The following AK1 variants were observed in gnomAD, a reference collection of about 807,000 sequenced individuals.
AK1 encodes the protein adenylate kinase 1, also known as adenylate kinase isoenzyme 1.
In AK1, 13 loss-of-function variants were observed where a neutral mutation model predicts 23.9. That is an observed-to-expected ratio of 0.54 (90% CI 0.35 to 0.86). The LOEUF (loss-of-function observed/expected upper bound fraction) is 0.86, where lower values mean the gene tolerates loss of function less well. Ranked by LOEUF, AK1 falls within the 40% of genes least tolerant of loss-of-function variation. The pLI, the probability that AK1 is intolerant of heterozygous loss-of-function variation, is 0.01. For missense variants in AK1, 214 were observed against 255.1 expected, an observed-to-expected ratio of 0.84 and a Z score of 1.10; for synonymous variants, 97 against 102.8, an observed-to-expected ratio of 0.94 and a Z score of 0.34.
At chr9:127,878,439 G>GAAC (rs1564475879), upstream of AK1, 1 of 152,286 alleles carries the variant, frequency 6.6e-6, no homozygotes, top group Non-Finnish European at 1.5e-5. Flanking sequence ...ACACAGCAGA[G>GAAC]AACGGGAGGC....
intron 1 of AK1, 168 bp from the exon 2 acceptor site, chr9:127,874,817 C>T (rs893506401): frequency 1.4e-5 from 9 of 657,254 alleles, no homozygotes; most frequent in Admixed American, 5.2e-5. Context: ...CCTGAGAAAG[C>T]CACCTTGGGA....
Position 127,867,118 on chromosome 9 carries a change from C to T in AK1, c.*890G>A, listed in dbSNP as rs1000015594. On this transcript the variant is annotated 3_prime_UTR_variant, in exon 7 of 7. Coordinates refer to ENST00000644144, the MANE Select transcript of AK1 (RefSeq NM_000476.3). ...CTCCACCTCCCGGGTTCACGCCATT[C>T]TCCTGCCTCAGCCTCATGAGTAGCT... 6.6e-6 allele frequency: 1 copy of T among 150,438 alleles called. No homozygotes were observed. The highest frequency in any genetic ancestry group is 1.5e-5 in the Non-Finnish European group (1 of 67,880). 9.3% of individuals were successfully genotyped at this position (150,438 alleles called of 1,614,324 possible).
chr9:127,868,098 G>A lies in AK1; in HGVS notation c.517-22C>T. The A allele has an allele frequency of 6.2e-7, 1 of 1,613,578 alleles. No homozygotes were observed. Among genetic ancestry groups the A allele is most frequent in the African/African-American group, 1.3e-5 (1 of 75,024 alleles). ...TGACCTGTGGGGAGATGGGCCGTGA[G>A]GGCTGAGTCACCAGGTGGAGTGGGG... On this transcript the variant is annotated intron_variant, in intron 6 of 6. Coordinates refer to ENST00000644144, the MANE Select transcript of AK1 (RefSeq NM_000476.3). The surrounding 1 kb of genome is among the most constrained non-coding windows in gnomAD (Gnocchi z 4.1).
intron 3 of AK1, 74 bp downstream of exon 3, chr9:127,872,952 T>C: frequency 6.2e-7 from 1 of 1,612,844 alleles, no homozygotes; most frequent in Non-Finnish European, 8.5e-7. Context: ...GAGCCCAGGG[T>C]GCAGCCCCAG....
At position 127,868,573 on chromosome 9, in the gene AK1, C is replaced by G. The variant is rs535102112; in HGVS notation, c.325-61G>C. On this transcript the variant is annotated intron_variant, in intron 5 of 6. Coordinates refer to ENST00000644144, the MANE Select transcript of AK1 (RefSeq NM_000476.3). The surrounding 1 kb of genome is among the most constrained non-coding windows in gnomAD (Gnocchi z 4.1). ...CTGCCCCCTAGGGCCATCTCCTCCC[C>G]ATCTTCCCATCTATGAAGCCCCAGT... is the stretch of plus-strand genomic sequence containing the variant. 14 of 1,530,378 alleles carry G rather than the reference C, an allele frequency of 9.1e-6. No individual in the cohort carries two copies. The Admixed American group carries it at 2.7e-4, about 30-fold the overall frequency. The allele number at this position is 1,530,378 out of a possible 1,614,324, so 94.8% of individuals were successfully genotyped here.
Position 127,872,802 on chromosome 9 carries a change from T to A in AK1, c.95A>T (p.Tyr32Phe). The stretch of plus-strand genomic sequence containing the variant: ...CCCGGTGGAGAGGTGGGTGTAGCCA[T>A]ACTTCTGCACGATCTTCTCACACTG... ...GTQCEKIVQK[Y>F]GYTHLSTGDL... The change falls in exon 4 of 7, where the codon TAT becomes TTT. Residue 32 changes from tyrosine to phenylalanine, a missense_variant. Transcript: ENST00000644144. 6.2e-7 allele frequency: 1 copy of A among 1,614,026 alleles called. No homozygotes were observed. Among genetic ancestry groups the A allele is most frequent in the South Asian group, 1.1e-5 (1 of 91,080 alleles).
rs974855147 is a variant in AK1 at position 127,871,595 on chromosome 9, G to A, written c.324+228C>T. On this transcript the variant is annotated intron_variant, in intron 5 of 6. Coordinates refer to ENST00000644144, the MANE Select transcript of AK1 (RefSeq NM_000476.3). The surrounding 1 kb of genome is among the most constrained non-coding windows in gnomAD (Gnocchi z 4.4). The stretch of plus-strand genomic sequence containing the variant: ...CCCAAGATCTCAAGCCGTTGAGCTG[G>A]AATCTGAGCCCAGGTTTGGCAACTG... 6.6e-6 allele frequency among the ~76,000 whole-genome samples: 1 copy of A among 151,584 alleles called. No homozygotes were observed. The highest frequency in any genetic ancestry group is 1.5e-5 in the Non-Finnish European group (1 of 68,034).
intron 4 of AK1, among the ~76,000 whole-genome samples, chr9:127,872,172 A>G (rs1829428051): frequency 6.6e-6 from 1 of 152,330 alleles, no homozygotes; most frequent in Admixed American, 6.5e-5. Flanking sequence ...CCTTCCAGCC[A>G]GGTGCTGTCC....
In AK1 at chr9:127,871,110, TTGTG is replaced by T. The variant is rs968947136; in HGVS notation, c.324+709_324+712del. ...TGCATGTGTGCACATGCCCCTGGCC[TTGTG>T]TGTATGAACTTGTGGGGCTTGTGCA... On this transcript the variant is annotated intron_variant, in intron 5 of 6. Coordinates refer to ENST00000644144, the MANE Select transcript of AK1 (RefSeq NM_000476.3). The surrounding 1 kb of genome is among the most constrained non-coding windows in gnomAD (Gnocchi z 4.4). Among the ~76,000 whole-genome samples, 2 of 151,812 alleles carry T rather than the reference TTGTG, an allele frequency of 1.3e-5. No homozygotes were observed. The highest frequency in any genetic ancestry group is 2.9e-5 in the Non-Finnish European group (2 of 68,046).
Position 127,873,943 on chromosome 9 carries a change from C to T in AK1, c.7+668G>A, listed in dbSNP as rs1257856274. 7.1e-6 allele frequency: 7 copies of T among 985,306 alleles called. No individual in the cohort carries two copies. The African/African-American group carries it at 8.7e-5, about 12-fold the overall frequency. 61.0% of individuals were successfully genotyped at this position (985,306 alleles called of 1,614,324 possible). ...GGCCCTCCCAGCCATAAGGCTGGAG[C>T]CCTACAGGAGCTGTCAAGAAGGGCT... is the stretch of plus-strand genomic sequence containing the variant. On this transcript the variant is annotated intron_variant, in intron 2 of 6. Transcript: ENST00000644144.
intron 2 of AK1, chr9:127,873,643 A>C (rs902349725): frequency 2.9e-6 from 4 of 1,398,902 alleles, no homozygotes; most frequent in Non-Finnish European, 3.7e-6. Context: ...CTTGGCTCCA[A>C]CCTCTGTCTC....
chr9:127,875,105 T>C, intron 1 of AK1: 2 of 232,650 alleles, frequency 8.6e-6, no homozygotes, highest in South Asian at 6.2e-5. Context: ...GGCCAGGAAC[T>C]ATGTGTGTCT....
chr9:127,873,171 G>T (rs1380779505), intron 2 of AK1, 110 bp from the exon 3 acceptor site: 4 of 1,548,988 alleles, frequency 2.6e-6, no homozygotes, highest in Non-Finnish European at 3.5e-6. Context: ...GACAGACACC[G>T]CTGGCGCTCC....
In AK1 at chr9:127,872,812, C is replaced by A; in HGVS notation, c.85G>T (p.Val29Leu). 1.9e-6 allele frequency: 3 copies of A among 1,614,112 alleles called. No homozygotes were observed. The highest frequency in any genetic ancestry group is 2.5e-6 in the Non-Finnish European group (3 of 1,180,034). The change falls in exon 4 of 7, where the codon GTG becomes TTG. Residue 29 changes from valine (V) to leucine (L), a missense_variant. Transcript: ENST00000644144. ...AGGTGGGTGTAGCCATACTTCTGCA[C>A]GATCTTCTCACACTGGGTGCCCTTC... ...SGKGTQCEKIVQKYGYTHLST... is the reference protein window; with the variant it reads ...SGKGTQCEKILQKYGYTHLST...
intron 4 of AK1, 85 bp downstream of exon 4, chr9:127,872,605 G>C: frequency 6.3e-7 from 1 of 1,576,254 alleles, no homozygotes; most frequent in Non-Finnish European, 8.7e-7. Context: ...AGCTTTGCCT[G>C]TGTGCCGTGG....
Position 127,867,921 on chromosome 9 carries a change from G to C in AK1, c.*87C>G. 1 of 1,311,366 alleles carries C rather than the reference G, an allele frequency of 7.6e-7. No individual in the cohort carries two copies. Among genetic ancestry groups the C allele is most frequent in the South Asian group, 1.2e-5 (1 of 84,872 alleles). The allele number at this position is 1,311,366 out of a possible 1,614,324, so 81.2% of individuals were successfully genotyped here. A position where few individuals can be genotyped will look rare whatever the true frequency, so the allele number is the denominator to read the frequency against. On this transcript the variant is annotated 3_prime_UTR_variant, in exon 7 of 7. Transcript: ENST00000644144. ...CTCCGTCTGTGCTCAGCAGGGCAGG[G>C]TGGAGGCGCTGCGCTCAGGCCAGGA...
rs556064282 is a variant in AK1 at position 127,877,123 on chromosome 9, A to G, written c.-33+500T>C. Among the ~76,000 whole-genome samples the G allele has an allele frequency of 6.6e-6, 1 of 152,242 alleles. No homozygotes were observed. The highest frequency in any genetic ancestry group is 1.5e-5 in the Non-Finnish European group (1 of 67,994). ...TGAGCAGTGCTGTGGGAAGGCCCCAAGCGCTGGCCCTGGTCAGGAGGCTAG... is the reference window on the plus strand; with the variant it reads ...TGAGCAGTGCTGTGGGAAGGCCCCAGGCGCTGGCCCTGGTCAGGAGGCTAG... On this transcript the variant is annotated intron_variant, in intron 1 of 6. Coordinates refer to ENST00000644144, the MANE Select transcript of AK1 (RefSeq NM_000476.3). The surrounding 1 kb of genome is among the most constrained non-coding windows in gnomAD (Gnocchi z 5.2).
Position 127,874,521 on chromosome 9 carries a change from C to A in AK1, c.7+90G>T. 4 of 1,610,674 alleles carry A rather than the reference C, an allele frequency of 2.5e-6. 1 individual carries two copies. The South Asian group carries it at 4.4e-5, about 18-fold the overall frequency. On this transcript the variant is annotated intron_variant, in intron 2 of 6. Coordinates refer to ENST00000644144, the MANE Select transcript of AK1 (RefSeq NM_000476.3). ...GGCAGCCCCAGAGCCTCCTCCAACCCCTCCCAGAATGTCTCCCTGAGAGCG... is the reference window on the plus strand; with the variant it reads ...GGCAGCCCCAGAGCCTCCTCCAACCACTCCCAGAATGTCTCCCTGAGAGCG...
intron 1 of AK1, chr9:127,874,886 A>G (rs1478371453): frequency 3.8e-6 from 2 of 532,632 alleles, no homozygotes; most frequent in Non-Finnish European, 6.8e-6. Flanking sequence ...CCTGTCACAG[A>G]AGGGCAGTAG....
Sources: allele counts gnomAD v4.1 joint callset (sites outside exome capture counted in the v4.1 genomes callset), GRCh38; gene constraint gnomAD v4.1.1; non-coding constraint Gnocchi (gnomAD v3.1); transcripts MANE v1.5; gene names NCBI Gene and HGNC (gene_info 2026-07-23, HGNC 2026-07-21).